Variants in SRPK2 observed in about 807,000 individuals in gnomAD.
The protein encoded by SRPK2 is SFRS protein kinase 2.
Under a neutral mutation model 90.8 loss-of-function variants are expected in SRPK2, and 21 were observed. That is an observed-to-expected ratio of 0.23 (90% CI 0.16 to 0.33). SRPK2 has a LOEUF of 0.33. Ranked by LOEUF, SRPK2 falls within the 10% of genes least tolerant of loss-of-function variation. The probability of loss-of-function intolerance (pLI) is 1.00; values close to 1 mark genes in which losing one functional copy is unlikely to be tolerated. For missense variants in SRPK2, 620 were observed against 869.0 expected, an observed-to-expected ratio of 0.71 and a Z score of 3.60; for synonymous variants, 288 against 311.1, an observed-to-expected ratio of 0.93 and a Z score of 0.78.
chr7:105,192,077 A>G (rs1014742220), intron 3 of SRPK2, among the ~76,000 whole-genome samples: 7 of 147,612 alleles, frequency 4.7e-5, no homozygotes, highest in African/African-American at 1.8e-4. Context: ...AATTTCCATA[A>G]GTTTTGGGGG....
chr7:105,226,049 T>A, intron 2 of SRPK2, among the ~76,000 whole-genome samples: 1 of 152,212 alleles, frequency 6.6e-6, no homozygotes, highest in Non-Finnish European at 1.5e-5. Flanking sequence ...AAAATTATCT[T>A]TAAAATGTAG....
At position 105,171,782 on chromosome 7, in the gene SRPK2, T is replaced by C. The variant is rs76189799; in HGVS notation, c.230-2517A>G. 8.7e-4 allele frequency among the ~76,000 whole-genome samples: 133 copies of C among 152,350 alleles called. 1 individual carries two copies. Among genetic ancestry groups the C allele is most frequent in the African/African-American group, 3.0e-3 (125 of 41,576 alleles). On this transcript the variant is annotated intron_variant, in intron 3 of 15. Coordinates refer to ENST00000393651, the MANE Select transcript of SRPK2 (RefSeq NM_182692.3). ...TGGGCTAAATATATGAACTAAATGA[T>C]AGTGAATTAGGAATAAAATGTAGCA...
chr7:105,357,759 AC>A (rs932797762), intron 2 of SRPK2, among the ~76,000 whole-genome samples: 7 of 146,594 alleles, frequency 4.8e-5, no homozygotes, highest in African/African-American at 1.2e-4. Context: ...AACAAAAAAA[AC>A]AATAACAAAA....
upstream of SRPK2, among the ~76,000 whole-genome samples, chr7:105,389,989 T>C (rs1259139508): frequency 6.6e-6 from 1 of 152,116 alleles, no homozygotes; most frequent in Non-Finnish European, 1.5e-5. Flanking sequence ...TCAAACCCTA[T>C]AGAAAAGTTA....
chr7:105,142,590 T>A, intron 10 of SRPK2, 100 bp from the exon 11 acceptor site: 1 of 1,457,550 alleles, frequency 6.9e-7, no homozygotes, highest in Non-Finnish European at 9.1e-7. Context: ...TTGAATATGC[T>A]TATGTACCAC....
chr7:105,382,644 A>C (rs2132688885), intron 2 of SRPK2, among the ~76,000 whole-genome samples: 1 of 152,032 alleles, frequency 6.6e-6, no homozygotes, highest in South Asian at 2.1e-4. Context: ...GCATGAAAAA[A>C]GGCGAATCAC....
At chr7:105,325,369 C>G (rs573226628) in intron 2 of SRPK2, among the ~76,000 whole-genome samples, 8 of 151,796 alleles carry the variant, frequency 5.3e-5, no homozygotes, top group African/African-American at 1.7e-4. Context: ...GGCTAAGGAA[C>G]CCTGTTGATC....
chr7:105,203,164 A>G (rs760740223), intron 3 of SRPK2, among the ~76,000 whole-genome samples: 2 of 151,860 alleles, frequency 1.3e-5, no homozygotes. Context: ...AATTTTTTGC[A>G]CTTTTTGTAG....
intron 2 of SRPK2, among the ~76,000 whole-genome samples, chr7:105,353,878 C>T (rs979585002): frequency 5.9e-5 from 9 of 152,138 alleles, no homozygotes; most frequent in African/African-American, 2.2e-4. Context: ...AAGGCAACGC[C>T]CAAATCCCAC....
intron 3 of SRPK2, among the ~76,000 whole-genome samples, chr7:105,199,140 G>C (rs1310775907): frequency 1.3e-5 from 2 of 152,206 alleles, no homozygotes; most frequent in African/African-American, 4.8e-5. Flanking sequence ...AAAAAGTTAA[G>C]ATGTAATCTA....
At chr7:105,179,112 C>G (rs1792395798) in intron 3 of SRPK2, among the ~76,000 whole-genome samples, 2 of 152,128 alleles carry the variant, frequency 1.3e-5, no homozygotes, top group South Asian at 2.1e-4. Flanking sequence ...ATTGAGCAAC[C>G]CTGAATACCT....
At chr7:105,366,001 C>A (rs1006970395) in intron 2 of SRPK2, among the ~76,000 whole-genome samples, 2 of 151,834 alleles carry the variant, frequency 1.3e-5, no homozygotes, top group African/African-American at 4.8e-5. Context: ...ACTACAGGCG[C>A]ACGCTACCAC....
At chr7:105,156,868 G>A (rs1324690940) in intron 7 of SRPK2, among the ~76,000 whole-genome samples, 5 of 152,110 alleles carry the variant, frequency 3.3e-5, no homozygotes, top group Admixed American at 2.6e-4. Flanking sequence ...TAGGTAACTT[G>A]GCCAAAGCCC....
At chr7:105,237,499 C>G (rs1156427534) in intron 2 of SRPK2, among the ~76,000 whole-genome samples, 4 of 152,188 alleles carry the variant, frequency 2.6e-5, no homozygotes, top group Admixed American at 6.5e-5. Flanking sequence ...GAGGAGCGAA[C>G]AGTCTAAACT....
chr7:105,239,941 A>T (rs1347846324), intron 2 of SRPK2, among the ~76,000 whole-genome samples: 1 of 152,170 alleles, frequency 6.6e-6, no homozygotes, highest in Non-Finnish European at 1.5e-5. Context: ...ATGAATCCTG[A>T]TGAAATTCCC....
At chr7:105,223,229 A>C (rs1285554619) in intron 2 of SRPK2, among the ~76,000 whole-genome samples, 1 of 152,200 alleles carries the variant, frequency 6.6e-6, no homozygotes, top group Non-Finnish European at 1.5e-5. Context: ...AAAAAGCTCA[A>C]CTGCAACTAT....
In SRPK2 at chr7:105,170,903, GA is replaced by G. The variant is rs1168226317; in HGVS notation, c.230-1639del. The stretch of plus-strand genomic sequence containing the variant: ...AGAAAGAAAGAAAGAAAGAAAGAAA[GA>G]AAGAAAGAAAGGAGAAAGAAAAAGA... On this transcript the variant is annotated intron_variant, in intron 3 of 15. Coordinates refer to ENST00000393651, the MANE Select transcript of SRPK2 (RefSeq NM_182692.3). 2.0e-3 allele frequency among the ~76,000 whole-genome samples: 143 copies of G among 73,268 alleles called. 2 individuals carry two copies. The highest frequency in any genetic ancestry group is 7.0e-3 in the Middle Eastern group (1 of 142). 48.1% of individuals were successfully genotyped at this position (73,268 alleles called of 152,430 possible). A position where few individuals can be genotyped will look rare whatever the true frequency, so the allele number is the denominator to read the frequency against.
intron 2 of SRPK2, among the ~76,000 whole-genome samples, chr7:105,234,264 A>C (rs1378375381): frequency 1.3e-5 from 2 of 152,322 alleles, no homozygotes; most frequent in Admixed American, 6.5e-5. Flanking sequence ...TGTTTGTTTT[A>C]AACAAAGGGA....
At chr7:105,200,956 A>G (rs1795470545) in intron 3 of SRPK2, among the ~76,000 whole-genome samples, 1 of 152,222 alleles carries the variant, frequency 6.6e-6, no homozygotes, top group Non-Finnish European at 1.5e-5. Flanking sequence ...ATCAGTGTTA[A>G]ATTTCTGATC....
Sources: gnomAD v4.1 joint callset for allele counts (sites outside exome capture counted in the v4.1 genomes callset) on GRCh38, gnomAD v4.1.1 for gene constraint, MANE v1.5 for transcripts, NCBI Gene and HGNC (gene_info 2026-07-23, HGNC 2026-07-21) for gene names.